Variants in LRRK1 observed in about 807,000 individuals in gnomAD.
The protein encoded by LRRK1 is leucine-rich repeat serine/threonine-protein kinase 1.
A neutral mutation model predicts 209.1 loss-of-function variants in LRRK1; 113 were observed. The observed-to-expected ratio is 0.54, with a 90% CI of 0.46 to 0.63. LRRK1 has a LOEUF of 0.63. Ranked by LOEUF, LRRK1 falls within the 30% of genes least tolerant of loss-of-function variation. LRRK1 has a pLI of 0.00. For missense variants in LRRK1, 2,284 were observed against 2,632.2 expected (o/e 0.87, Z 2.89); for synonymous variants, 1,144 against 1,099.7 (o/e 1.04, Z -0.80).
In LRRK1 at chr15:101,073,484, C is replaced by G. The variant is rs1485103000; in HGVS notation, c.*4636C>G. ...CTCCGCCTTTCTGGGGGGCAAGAAA[C>G]CCCCAACCCCTTCTCCTTCACCCTG... On this transcript the variant is annotated 3_prime_UTR_variant, in exon 34 of 34. Transcript: ENST00000388948. 6.6e-6 allele frequency: 1 copy of G among 151,476 alleles called. No individual in the cohort carries two copies. Among genetic ancestry groups the G allele is most frequent in the Non-Finnish European group, 1.5e-5 (1 of 67,860 alleles). 9.4% of individuals were successfully genotyped at this position (151,476 alleles called of 1,614,324 possible). A position where few individuals can be genotyped will look rare whatever the true frequency, so the allele number is the denominator to read the frequency against.
At chr15:100,982,250 C>T (rs1216929635) in intron 3 of LRRK1, among the ~76,000 whole-genome samples, 1 of 152,236 alleles carries the variant, frequency 6.6e-6, no homozygotes, top group Admixed American at 6.5e-5. Context: ...TCCCCATCTA[C>T]CTGCTTGACC....
Position 101,065,339 on chromosome 15 carries a change from C to A in LRRK1, c.4915-13C>A. The A allele has an allele frequency of 6.2e-7, 1 of 1,609,126 alleles. No homozygotes were observed. ...ATGGAAGGATGTGACACATCCCTGTCTCCTTCCTTCAGAATTCCTACCTGG... is the reference window on the plus strand; with the variant it reads ...ATGGAAGGATGTGACACATCCCTGTATCCTTCCTTCAGAATTCCTACCTGG... On this transcript the variant is annotated splice_polypyrimidine_tract_variant and intron_variant, in intron 31 of 33. Coordinates refer to ENST00000388948, the MANE Select transcript of LRRK1 (RefSeq NM_024652.6).
chr15:100,992,869 A>C (rs1260964308), intron 6 of LRRK1, among the ~76,000 whole-genome samples: 11 of 152,134 alleles, frequency 7.2e-5, no homozygotes, highest in Admixed American at 7.2e-4. Context: ...GGATTTCACC[A>C]TGTTGGTCAG....
At chr15:100,967,265 C>A (rs1484860483) in intron 2 of LRRK1, among the ~76,000 whole-genome samples, 2 of 152,198 alleles carry the variant, frequency 1.3e-5, no homozygotes, top group African/African-American at 4.8e-5. Context: ...ACACGTATAA[C>A]CGCTTACACA....
intron 4 of LRRK1, among the ~76,000 whole-genome samples, chr15:100,986,621 C>T (rs1437528516): frequency 1.3e-5 from 2 of 152,242 alleles, no homozygotes; most frequent in African/African-American, 4.8e-5. Flanking sequence ...GAAGCTAGAG[C>T]TGCTTGCTTT....
At chr15:101,067,539 G>C (rs1298833533) in intron 33 of LRRK1, among the ~76,000 whole-genome samples, 1 of 151,718 alleles carries the variant, frequency 6.6e-6, no homozygotes, top group African/African-American at 2.4e-5. Flanking sequence ...TGGGCAAGTG[G>C]GTTTTTATTT....
chr15:101,053,220 C>A lies in LRRK1; in HGVS notation c.3857-3C>A. 6.2e-7 allele frequency: 1 copy of A among 1,604,834 alleles called. No homozygotes were observed. Among genetic ancestry groups the A allele is most frequent in the Middle Eastern group, 1.7e-4 (1 of 6,058 alleles). Reference sequence around the variant, plus strand: ...CTGGCTGACACTGCGCTGTCCCTGGCAGACACCATGCTGAGGCACCTGCGG... The same window carrying A: ...CTGGCTGACACTGCGCTGTCCCTGGAAGACACCATGCTGAGGCACCTGCGG... On this transcript the variant is annotated splice_polypyrimidine_tract_variant and splice_region_variant and intron_variant, in intron 25 of 33. Transcript: ENST00000388948.
At position 101,027,400 on chromosome 15, in the gene LRRK1, C is replaced by T. The variant is rs766753152; in HGVS notation, c.2526+19C>T. On this transcript the variant is annotated intron_variant, in intron 18 of 33. Coordinates refer to ENST00000388948, the MANE Select transcript of LRRK1 (RefSeq NM_024652.6). The surrounding 1 kb of genome is among the most constrained non-coding windows in gnomAD (Gnocchi z 5.1). ...GCGGCTGGTGGGTACCTTGCTGGTCCAGTTTAAACCAGTCTGCCTGCTTCC... is the reference window on the plus strand; with the variant it reads ...GCGGCTGGTGGGTACCTTGCTGGTCTAGTTTAAACCAGTCTGCCTGCTTCC... 30 of 1,608,632 alleles carry T rather than the reference C, an allele frequency of 1.9e-5. No homozygotes were observed. The Admixed American group carries it at 4.9e-4, about 26-fold the overall frequency.
chr15:100,940,972 T>G (rs553747632), intron 2 of LRRK1, among the ~76,000 whole-genome samples: 1 of 152,250 alleles, frequency 6.6e-6, no homozygotes, highest in Non-Finnish European at 1.5e-5. Flanking sequence ...CACTGTCAGC[T>G]GCTCACTTCC....
rs781346039 is a variant in LRRK1, at chr15:101,022,501, C to G, written c.1971C>G (p.Ile657Met). The G allele has an allele frequency of 1.1e-5, 18 of 1,614,106 alleles. No individual in the cohort carries two copies. The South Asian group carries it at 2.0e-4, about 18-fold the overall frequency. The change falls in exon 15 of 34, where the codon ATC becomes ATG. Residue 657 changes from isoleucine to methionine, a missense_variant. Ile to Met is a conservative substitution (Grantham distance 10). Coordinates refer to ENST00000388948, the MANE Select transcript of LRRK1 (RefSeq NM_024652.6). This position sits in a 1 kb window ranked among gnomAD's most constrained non-coding sequence, Gnocchi z 4.0. ...PRQGKSTLLE[I>M]LQTGRAPQVV... is the part of the protein sequence containing the mutation. ...AGGGCAAGTCCACCCTCCTGGAGAT[C>G]TTACAGACGGGGAGGGCCCCCCAGG...
chr15:101,002,531 G>T (rs564326239), intron 6 of LRRK1, among the ~76,000 whole-genome samples: 1 of 152,318 alleles, frequency 6.6e-6, no homozygotes, highest in South Asian at 2.1e-4. Context: ...GTGTTGAATT[G>T]ATGGCTTCTC....
rs907533560 is a variant in LRRK1 at position 101,077,899 on chromosome 15, A to C, written c.*9051A>C. 1.3e-5 allele frequency: 2 copies of C among 151,492 alleles called. No homozygotes were observed. Among genetic ancestry groups the C allele is most frequent in the Admixed American group, 1.3e-4 (2 of 15,216 alleles). The allele number at this position is 151,492 out of a possible 1,614,324, so 9.4% of individuals were successfully genotyped here. ...CCCCTGTGACCTGCACGCATATATA[A>C]GCCCAGATGGCCTGAAGTAACTGAA... On this transcript the variant is annotated 3_prime_UTR_variant, in exon 34 of 34. Transcript: ENST00000388948.
chr15:101,057,060 G>GGC lies in LRRK1; in HGVS notation c.4527+10_4527+11insGC, dbSNP rs1555479272. The GGC allele has an allele frequency of 1.0e-4, 166 of 1,591,274 alleles. 1 individual carries two copies. In the East Asian group the frequency reaches 3.7e-3, roughly 36 times the overall value. On this transcript the variant is annotated intron_variant, in intron 28 of 33. Coordinates refer to ENST00000388948, the MANE Select transcript of LRRK1 (RefSeq NM_024652.6). Reference sequence around the variant, plus strand: ...CACTAAGCCAGAGAAGGTACTTGGGGACACAGAGCCCAGGGCCTGGGACCT... The same window carrying GGC: ...CACTAAGCCAGAGAAGGTACTTGGGGGCACACAGAGCCCAGGGCCTGGGACCT...
intron 6 of LRRK1, among the ~76,000 whole-genome samples, chr15:100,990,475 G>A (rs957765227): frequency 3.9e-5 from 6 of 152,064 alleles, no homozygotes; most frequent in African/African-American, 9.7e-5. Context: ...CCAGCAATAG[G>A]TGGGATTCTC....
chr15:101,060,095 G>A (rs764411793), intron 29 of LRRK1, among the ~76,000 whole-genome samples: 3 of 152,184 alleles, frequency 2.0e-5, no homozygotes, highest in Non-Finnish European at 4.4e-5. Context: ...ACTCACTGCG[G>A]CCTGAAGAGA....
chr15:101,066,603 G>T, intron 32 of LRRK1, 37 bp from the exon 33 acceptor site: 2 of 1,598,232 alleles, frequency 1.3e-6, no homozygotes, highest in South Asian at 1.1e-5. Flanking sequence ...CACGGCTACC[G>T]ACAAATCGCT....
chr15:100,952,382 T>C (rs2042672502), intron 2 of LRRK1, among the ~76,000 whole-genome samples: 1 of 152,246 alleles, frequency 6.6e-6, no homozygotes, highest in Non-Finnish European at 1.5e-5. Flanking sequence ...TTTTATTACT[T>C]CTGGGTTGTG....
rs772079009 is a variant in LRRK1, at chr15:101,066,716, A to G, written c.5845A>G (p.Lys1949Glu). The change falls in exon 33 of 34, where the codon AAA becomes GAA. Residue 1949 changes from lysine (K) to glutamate (E), a missense_variant. Lys to Glu is a moderately conservative substitution (Grantham distance 56). Around this residue, in one of 6 missense-constraint regions of LRRK1, gnomAD observed 643 missense variants for 695.9 expected, o/e 0.92. Transcript: ENST00000388948. ...AQRGRVIAVL[K>E]ARELTPHGVL... ...GCGGGGCCGAGTCATTGCCGTCTTA[A>G]AAGCCCGAGAGCTGACTCCGCATGG... The G allele has an allele frequency of 6.2e-7, 1 of 1,614,180 alleles. No individual in the cohort carries two copies. The highest frequency in any genetic ancestry group is 8.5e-7 in the Non-Finnish European group (1 of 1,180,008).
At chr15:100,978,816 T>G (rs1049450710) in intron 3 of LRRK1, among the ~76,000 whole-genome samples, 5 of 152,210 alleles carry the variant, frequency 3.3e-5, no homozygotes, top group African/African-American at 1.2e-4. Flanking sequence ...TAATTCTACC[T>G]AACATTTAAA....
Sources: allele counts gnomAD v4.1 joint callset (sites outside exome capture counted in the v4.1 genomes callset), GRCh38; gene constraint gnomAD v4.1.1; regional missense constraint gnomAD v4.1.1; non-coding constraint Gnocchi (gnomAD v3.1); transcripts MANE v1.5; gene names NCBI Gene and HGNC (gene_info 2026-07-23, HGNC 2026-07-21).